CLCNKB: variants seen among roughly 807,000 people sequenced by gnomAD.
CLCNKB encodes the protein chloride channel protein ClC-Kb.
In CLCNKB, 74 loss-of-function variants were observed where a neutral mutation model predicts 83.8. The ratio of observed to expected loss-of-function variants is 0.88; its 90% CI spans 0.73 to 1.07. CLCNKB has a LOEUF of 1.07. CLCNKB is among the 50% of genes least tolerant of loss of function. The pLI, the probability that CLCNKB is intolerant of heterozygous loss-of-function variation, is 0.00. For synonymous variants in CLCNKB, 358 were observed against 356.6 expected, an observed-to-expected ratio of 1.00 and a Z score of -0.04; for missense variants, 798 against 893.6, an observed-to-expected ratio of 0.89 and a Z score of 1.36.
Position 16,052,341 on chromosome 1 carries a change from T to C in CLCNKB, c.1552T>C (p.Ser518Pro), listed in dbSNP as rs201928491. The C allele has an allele frequency of 6.2e-7, 1 of 1,613,088 alleles. No homozygotes were observed. The highest frequency in any genetic ancestry group is 8.5e-7 in the Non-Finnish European group (1 of 1,180,044). ...ANAIAQSCQP[S>P]FYDGTVIVKK... The stretch of plus-strand genomic sequence containing the variant: ...CGCCATTGCACAGAGCTGCCAGCCC[T>C]CCTTCTATGATGGCACCGTCATTGT... The change falls in exon 15 of 20, where the codon TCC becomes CCC. Residue 518 changes from serine (S) to proline (P), a missense_variant. Coordinates refer to ENST00000375679, the MANE Select transcript of CLCNKB (RefSeq NM_000085.5).
Position 16,052,279 on chromosome 1 carries a change from A to C in CLCNKB, c.1490A>C (p.His497Pro), listed in dbSNP as rs764203832. 1.2e-5 allele frequency: 19 copies of C among 1,613,218 alleles called. No homozygotes were observed. The highest frequency in any genetic ancestry group is 1.6e-5 in the Non-Finnish European group (19 of 1,180,052). ...LAFEVTGQIV[H>P]ALPVLMAVLA... ...TTCGAGGTGACCGGCCAGATAGTGC[A>C]TGCACTGCCCGTGCTGATGGCGGTG... Residue 497 changes from histidine to proline, a missense_variant, in exon 15 of 20, where the codon CAT (histidine) becomes CCT (proline). By Grantham distance (77) the His-to-Pro change is moderately conservative. Coordinates refer to ENST00000375679, the MANE Select transcript of CLCNKB (RefSeq NM_000085.5).
intron 15 of CLCNKB, among the ~76,000 whole-genome samples, chr1:16,052,916 C>G (rs916011847): frequency 4.6e-5 from 7 of 152,190 alleles, no homozygotes; most frequent in Non-Finnish European, 8.8e-5. Flanking sequence ...TCTGAGGCCC[C>G]GCTGAAAACA....
chr1:16,056,328 GCC>G, intron 18 of CLCNKB, 92 bp from the exon 19 acceptor site: 1 of 1,252,742 alleles, frequency 8.0e-7, no homozygotes, highest in Non-Finnish European at 1.2e-6. Flanking sequence ...ATCAGGCCCC[GCC>G]CCTCTTCCTG....
rs2023079798 is a variant in CLCNKB at position 16,045,691 on chromosome 1, C to A, written c.229+5C>A. 1 of 1,612,598 alleles carries A rather than the reference C, an allele frequency of 6.2e-7. No individual in the cohort carries two copies. The highest frequency in any genetic ancestry group is 8.5e-7 in the Non-Finnish European group (1 of 1,179,024). ...CTGTTGAGAGTGTGGTCCGAGGTAA[C>A]CCCTCCATGGCAGGTGCTGCTCTGG... is the stretch of plus-strand genomic sequence containing the variant. On this transcript the variant is annotated splice_donor_5th_base_variant and intron_variant, in intron 3 of 19. Transcript: ENST00000375679.
intron 3 of CLCNKB, among the ~76,000 whole-genome samples, chr1:16,045,892 G>C (rs2023086688): frequency 6.6e-6 from 1 of 152,182 alleles, no homozygotes; most frequent in African/African-American, 2.4e-5. Context: ...TTGCACAAGG[G>C]AGAGAGGCCT....
chr1:16,048,280 ACT>A (rs1425554877), intron 5 of CLCNKB, 61 bp from the exon 6 acceptor site: 1 of 1,594,616 alleles, frequency 6.3e-7, no homozygotes, highest in Non-Finnish European at 8.6e-7. Flanking sequence ...AGCCGTGCTG[ACT>A]CTGGGTGAGA....
In CLCNKB at chr1:16,046,486, G is replaced by A. The variant is rs764173213; in HGVS notation, c.230-49G>A. On this transcript the variant is annotated intron_variant, in intron 3 of 19. Coordinates refer to ENST00000375679, the MANE Select transcript of CLCNKB (RefSeq NM_000085.5). ...AGTGGGCACCACAGCGTCTGGCCCC[G>A]AGGGCTGCAGAGGCTGTGGGTGCCT... 1.7e-5 allele frequency: 28 copies of A among 1,610,856 alleles called. No homozygotes were observed. The Admixed American group carries it at 2.3e-4, about 13-fold the overall frequency.
At chr1:16,046,041 C>A (rs2023091284) in intron 3 of CLCNKB, among the ~76,000 whole-genome samples, 1 of 152,242 alleles carries the variant, frequency 6.6e-6, no homozygotes, top group Admixed American at 6.5e-5. Context: ...GCTTCCTCCC[C>A]ATCCCACCCC....
chr1:16,050,745 A>G, intron 11 of CLCNKB, 130 bp from the exon 12 acceptor site: 1 of 1,515,524 alleles, frequency 6.6e-7, no homozygotes, highest in Non-Finnish European at 9.0e-7. Context: ...TCGGGAGGTC[A>G]GAGCCCTGCC....
rs367941507 is a variant in CLCNKB, at chr1:16,049,762, G to A, written c.867-53G>A. The A allele has an allele frequency of 1.2e-5, 19 of 1,612,758 alleles. No individual in the cohort carries two copies. In the African/African-American group the frequency reaches 2.5e-4, roughly 22 times the overall value. ...AGGCATTCCCCCCAAGGCCTGGACT[G>A]CGGCCCCTGGTACTGGGGTCGGGCT... is the stretch of plus-strand genomic sequence containing the variant. On this transcript the variant is annotated intron_variant, in intron 9 of 19. Transcript: ENST00000375679.
chr1:16,048,469 G>C (rs769493841), intron 6 of CLCNKB, 35 bp from the exon 7 acceptor site: 1 of 1,613,326 alleles, frequency 6.2e-7, no homozygotes, highest in Non-Finnish European at 8.5e-7. Flanking sequence ...GGGAGGGAGG[G>C]GGCTGACTCT....
rs114368776 is a variant in CLCNKB at position 16,056,765 on chromosome 1, A to G, written c.2017-104A>G. 3.9e-3 allele frequency: 4,286 copies of G among 1,095,380 alleles called. 125 individuals are homozygous for G. In the African/African-American group the frequency reaches 0.056, roughly 14 times the overall value. 67.9% of individuals were successfully genotyped at this position (1,095,380 alleles called of 1,614,324 possible). ...TGTGCAATGGGGTGGCACAGGCTCTACTATTTACCCAGAAACCACCCTTAG... is the reference window on the plus strand; with the variant it reads ...TGTGCAATGGGGTGGCACAGGCTCTGCTATTTACCCAGAAACCACCCTTAG... On this transcript the variant is annotated intron_variant, in intron 19 of 19. Transcript: ENST00000375679.
Position 16,049,397 on chromosome 1 carries a change from A to AG in CLCNKB, c.781+157dup, listed in dbSNP as rs1488279511. 14 of 1,522,490 alleles carry AG rather than the reference A, an allele frequency of 9.2e-6. 1 individual carries two copies. In the South Asian group the frequency reaches 1.8e-4, roughly 19 times the overall value. The allele number at this position is 1,522,490 out of a possible 1,614,324, so 94.3% of individuals were successfully genotyped here. ...TTCCCACCTCCTTCTGGGAGGATGGAGGGGGCTGACCTGTGTTGAGCAAGA... is the reference window on the plus strand; with the variant it reads ...TTCCCACCTCCTTCTGGGAGGATGGAGGGGGGCTGACCTGTGTTGAGCAAGA... On this transcript the variant is annotated intron_variant, in intron 8 of 19. Coordinates refer to ENST00000375679, the MANE Select transcript of CLCNKB (RefSeq NM_000085.5).
chr1:16,045,776 G>T, intron 3 of CLCNKB, 90 bp downstream of exon 3: 1 of 1,075,336 alleles, frequency 9.3e-7, no homozygotes. Flanking sequence ...GTGCAGCGGA[G>T]GTTGGGGGGG....
intron 18 of CLCNKB, among the ~76,000 whole-genome samples, chr1:16,056,053 C>T (rs200649340): frequency 1.3e-5 from 2 of 152,214 alleles, no homozygotes; most frequent in African/African-American, 4.8e-5. Context: ...CACACGTGCG[C>T]TTCAATTTCA....
At chr1:16,051,084 G>C (rs2023275950) in intron 12 of CLCNKB, 36 bp downstream of exon 12, 1 of 1,611,854 alleles carries the variant, frequency 6.2e-7, no homozygotes. Flanking sequence ...CACAGAGCTG[G>C]GACCAGCTCT....
intron 3 of CLCNKB, 98 bp from the exon 4 acceptor site, chr1:16,046,437 C>T (rs1419166995): frequency 1.2e-5 from 18 of 1,542,766 alleles, no homozygotes; most frequent in Middle Eastern, 2.3e-4. Flanking sequence ...CTCCCCTCTT[C>T]GTGACTCCAT....
Position 16,052,399 on chromosome 1 carries a change from G to A in CLCNKB, c.1610G>A (p.Gly537Asp). The change falls in exon 15 of 20, where the codon GGC becomes GAC. Residue 537 changes from glycine (G) to aspartate (D), a missense_variant. Physicochemically the swap from Gly to Asp is moderately conservative, Grantham distance 94. Transcript: ENST00000375679. ...KKLPYLPRIL[G>D]RNIGSHRVRV... Reference sequence around the variant, plus strand: ...CTGCCATACCTGCCACGGATTCTGGGCCGCAACATCGGGTGAGTGGTGCCC... The same window carrying A: ...CTGCCATACCTGCCACGGATTCTGGACCGCAACATCGGGTGAGTGGTGCCC... 1 of 1,613,572 alleles carries A rather than the reference G, an allele frequency of 6.2e-7. No homozygotes were observed. The highest frequency in any genetic ancestry group is 8.5e-7 in the Non-Finnish European group (1 of 1,180,048).
At chr1:16,044,642 C>A (rs1273132637) in intron 2 of CLCNKB, 50 bp downstream of exon 2, 8 of 1,445,618 alleles carry the variant, frequency 5.5e-6, no homozygotes, top group Non-Finnish European at 7.6e-6. Flanking sequence ...CTCAGGACAT[C>A]ATTCCTGCCC....
Sources: allele counts gnomAD v4.1 joint callset (sites outside exome capture counted in the v4.1 genomes callset), GRCh38; gene constraint gnomAD v4.1.1; transcripts MANE v1.5; gene names NCBI Gene and HGNC (gene_info 2026-07-23, HGNC 2026-07-21).